Variants in SRPRB observed in about 807,000 individuals in gnomAD.
The protein encoded by SRPRB is SRP receptor subunit beta.
SRPRB carries 20 observed loss-of-function variants against 31.9 expected under a neutral mutation model. That is an observed-to-expected ratio of 0.63 (90% CI 0.44 to 0.91). SRPRB has a LOEUF of 0.91. Among genes scored for constraint, SRPRB ranks in the 40% least tolerant of loss-of-function variants. The probability of loss-of-function intolerance (pLI) is 0.00; values close to 1 mark genes in which losing one functional copy is unlikely to be tolerated. For synonymous variants in SRPRB, 146 were observed against 132.8 expected (o/e 1.10, Z -0.68); for missense variants, 321 against 324.9 (o/e 0.99, Z 0.09).
At chr3:133,819,062 T>C (rs866189699) in intron 6 of SRPRB, among the ~76,000 whole-genome samples, 1 of 152,062 alleles carries the variant, frequency 6.6e-6, no homozygotes, top group Non-Finnish European at 1.5e-5. Context: ...TTTTGGTGGT[T>C]AAAGAGGTTG....
chr3:133,787,627 T>C (rs1005432972), intron 1 of SRPRB: 2 of 152,224 alleles, frequency 1.3e-5, no homozygotes, highest in Non-Finnish European at 2.9e-5. Context: ...ATCACCTCTG[T>C]GAACAGTGTT....
intron 4 of SRPRB, among the ~76,000 whole-genome samples, chr3:133,814,329 C>T (rs1252203091): frequency 2.0e-5 from 3 of 152,104 alleles, no homozygotes; most frequent in Non-Finnish European, 4.4e-5. Flanking sequence ...GACAGGGTTT[C>T]GCCGTGTTAG....
intron 1 of SRPRB, chr3:133,786,961 G>A (rs1934703329): frequency 6.6e-6 from 1 of 152,204 alleles, no homozygotes; most frequent in Admixed American, 6.5e-5. Flanking sequence ...TTTGGAAGTG[G>A]AATTGTGAAG....
At chr3:133,827,642 T>G, downstream of SRPRB, 1 of 526,550 alleles carries the variant, frequency 1.9e-6, no homozygotes. Flanking sequence ...GCCACTGGGG[T>G]GAAAACATAG....
downstream of SRPRB, chr3:133,826,393 TG>T (rs1011132069): frequency 6.6e-5 from 10 of 152,254 alleles, no homozygotes; most frequent in East Asian, 7.7e-4. Context: ...TTTTATGGGA[TG>T]TTTTTTTAAA....
At chr3:133,817,999 G>A (rs1287765229) in intron 6 of SRPRB, among the ~76,000 whole-genome samples, 1 of 152,220 alleles carries the variant, frequency 6.6e-6, no homozygotes, top group Non-Finnish European at 1.5e-5. Flanking sequence ...GCTCTTTGCA[G>A]AACAATTTTG....
chr3:133,811,262 T>C, intron 4 of SRPRB, 63 bp downstream of exon 4: 2 of 1,539,940 alleles, frequency 1.3e-6, no homozygotes, highest in Non-Finnish European at 9.0e-7. Flanking sequence ...AAGCCACTCA[T>C]GTGATTTGCT....
chr3:133,784,421 TA>T (rs1934597882), intron 1 of SRPRB: 1 of 150,874 alleles, frequency 6.6e-6, no homozygotes, highest in African/African-American at 2.4e-5. Context: ...GGTTGTGACT[TA>T]TGATAGAGTT....
chr3:133,825,047 G>C (rs1559895776), downstream of SRPRB: 1 of 152,146 alleles, frequency 6.6e-6, no homozygotes, highest in Non-Finnish European at 1.5e-5. Flanking sequence ...ATTCTTTGGG[G>C]AGAGGCAGTT....
chr3:133,813,478 G>A (rs1037362880), intron 4 of SRPRB, among the ~76,000 whole-genome samples: 1 of 152,118 alleles, frequency 6.6e-6, no homozygotes, highest in Non-Finnish European at 1.5e-5. Flanking sequence ...ATTTTCAGCT[G>A]AGCATGATCT....
downstream of SRPRB, chr3:133,827,623 C>A (rs1268340627): frequency 4.2e-6 from 2 of 476,284 alleles, no homozygotes; most frequent in Non-Finnish European, 7.5e-6. Flanking sequence ...AAGACTTCAA[C>A]TGCGCCATGC....
At chr3:133,816,731 TAGAG>T (rs1442966405) in intron 5 of SRPRB, 143 bp from the exon 6 acceptor site, 5 of 548,844 alleles carry the variant, frequency 9.1e-6, no homozygotes, top group East Asian at 3.0e-5. Context: ...CTTACTTTGA[TAGAG>T]AAGGAACTAG....
At chr3:133,794,314 C>T (rs1362710758) in intron 1 of SRPRB, 2 of 152,260 alleles carry the variant, frequency 1.3e-5, no homozygotes, top group Middle Eastern at 3.4e-3. Flanking sequence ...AATGTTTGGT[C>T]CCATATTCCT....
intron 4 of SRPRB, among the ~76,000 whole-genome samples, chr3:133,811,689 T>C (rs967716121): frequency 1.3e-5 from 2 of 151,830 alleles, no homozygotes; most frequent in African/African-American, 4.8e-5. Flanking sequence ...TTCAAGTGAT[T>C]CTCCTGCCTC....
chr3:133,801,401 G>A (rs1219198242), upstream of SRPRB, among the ~76,000 whole-genome samples: 1 of 152,194 alleles, frequency 6.6e-6, no homozygotes, highest in Admixed American at 6.5e-5. Flanking sequence ...CACCCCTCCT[G>A]CTCATTCCTG....
Position 133,819,742 on chromosome 3 carries a change from G to T in SRPRB, c.792G>T (p.Glu264Asp). The T allele has an allele frequency of 6.2e-7, 1 of 1,614,168 alleles. No homozygotes were observed. Among genetic ancestry groups the T allele is most frequent in the Non-Finnish European group, 8.5e-7 (1 of 1,180,038 alleles). The change falls in exon 7 of 7, where the codon GAG (glutamate) becomes GAT (aspartate). Residue 264 changes from glutamate to aspartate, a missense_variant. Transcript: ENST00000678299. ...GCTCTGCTGACATCCAGGACTTGGAGAAATGGCTGGCTAAAATTGCCTGAG... is the reference window on the plus strand; with the variant it reads ...GCTCTGCTGACATCCAGGACTTGGATAAATGGCTGGCTAAAATTGCCTGAG... ...DVGSADIQDL[E>D]KWLAKIA
rs190357185 is a variant in SRPRB, at chr3:133,815,081, G to A, written c.411-509G>A. Among the ~76,000 whole-genome samples, 3 of 152,298 alleles carry A rather than the reference G, an allele frequency of 2.0e-5. No homozygotes were observed. The East Asian group carries it at 5.8e-4, about 29-fold the overall frequency. ...GTGGCTTGAACATACTGTAGGCTGAGTATCCCTTATCCAAAATGCTTGGAA... is the reference window on the plus strand; with the variant it reads ...GTGGCTTGAACATACTGTAGGCTGAATATCCCTTATCCAAAATGCTTGGAA... On this transcript the variant is annotated intron_variant, in intron 4 of 6. Coordinates refer to ENST00000678299, the MANE Select transcript of SRPRB (RefSeq NM_001379313.1).
chr3:133,796,961 G>A (rs943690023), intron 1 of SRPRB, among the ~76,000 whole-genome samples: 1 of 152,196 alleles, frequency 6.6e-6, no homozygotes, highest in African/African-American at 2.4e-5. Context: ...ATATCAGTGT[G>A]TTTACAGTAT....
At chr3:133,825,051 G>C (rs1199300964), downstream of SRPRB, 1 of 152,146 alleles carries the variant, frequency 6.6e-6, no homozygotes, top group Non-Finnish European at 1.5e-5. Flanking sequence ...TTTGGGGAGA[G>C]GCAGTTCGGA....
Sources: allele counts gnomAD v4.1 joint callset (sites outside exome capture counted in the v4.1 genomes callset), GRCh38; gene constraint gnomAD v4.1.1; transcripts MANE v1.5; gene names NCBI Gene and HGNC (gene_info 2026-07-23, HGNC 2026-07-21).